The following INTS3 variants were observed in gnomAD, a reference collection of about 807,000 sequenced individuals.
INTS3 encodes SOSS complex subunit A.
INTS3 carries 34 observed loss-of-function variants against 146.3 expected under a neutral mutation model. The ratio of observed to expected loss-of-function variants is 0.23; its 90% CI spans 0.18 to 0.31. The LOEUF is 0.31. INTS3 is among the 10% of genes least tolerant of loss of function. The probability of loss-of-function intolerance (pLI) is 1.00; values close to 1 mark genes in which losing one functional copy is unlikely to be tolerated. For missense variants in INTS3, 757 were observed against 1,304.2 expected (o/e 0.58, Z 6.46); for synonymous variants, 475 against 494.9 (o/e 0.96, Z 0.53).
chr1:153,743,370 G>A (rs1028389419), intron 3 of INTS3, among the ~76,000 whole-genome samples: 7 of 152,224 alleles, frequency 4.6e-5, no homozygotes, highest in Admixed American at 1.3e-4. Context: ...ATATGGTGGA[G>A]AAGTGTGGAA....
chr1:153,772,253 T>A lies in INTS3; in HGVS notation c.2721-87T>A. 6.8e-7 allele frequency: 1 copy of A among 1,472,086 alleles called. No individual in the cohort carries two copies. Among genetic ancestry groups the A allele is most frequent in the Non-Finnish European group, 9.4e-7 (1 of 1,069,518 alleles). The allele number at this position is 1,472,086 out of a possible 1,614,324, so 91.2% of individuals were successfully genotyped here. On this transcript the variant is annotated intron_variant, in intron 26 of 29. Coordinates refer to ENST00000318967, the MANE Select transcript of INTS3 (RefSeq NM_023015.5). This position sits in a 1 kb window ranked among gnomAD's most constrained non-coding sequence, Gnocchi z 4.6. ...CTGTTCCCCATGTAGGCTGCCTCTG[T>A]CTTAAGGGGGCCCTGGCGGGTGGAG...
In INTS3 at chr1:153,729,268, G is replaced by A. The variant is rs913909569; in HGVS notation, c.150+484G>A. ...CAACCAATTGCCAGTGATGTTAACT[G>A]GGCATCTAGAATGAGTGAAGACTTA... On this transcript the variant is annotated intron_variant, in intron 1 of 29. Transcript: ENST00000318967. Among the ~76,000 whole-genome samples the A allele has an allele frequency of 2.0e-5, 3 of 152,246 alleles. No individual in the cohort carries two copies. The South Asian group carries it at 6.2e-4, about 32-fold the overall frequency.
chr1:153,773,752 C>A lies in INTS3; in HGVS notation c.*482C>A, dbSNP rs1442330621. 2 of 184,046 alleles carry A rather than the reference C, an allele frequency of 1.1e-5. No homozygotes were observed. Among genetic ancestry groups the A allele is most frequent in the Admixed American group, 1.1e-4 (2 of 18,218 alleles). The allele number at this position is 184,046 out of a possible 1,614,324, so 11.4% of individuals were successfully genotyped here. ...TGAAGGGACGTTTTATAGTCACTAT[C>A]CACATGCCAGTGTGAAATGGGCATC... On this transcript the variant is annotated 3_prime_UTR_variant, in exon 30 of 30. Coordinates refer to ENST00000318967, the MANE Select transcript of INTS3 (RefSeq NM_023015.5).
intron 14 of INTS3, among the ~76,000 whole-genome samples, chr1:153,762,261 C>T (rs1025875999): frequency 6.6e-6 from 1 of 152,164 alleles, no homozygotes; most frequent in African/African-American, 2.4e-5. Context: ...CCAGCCTGGC[C>T]AACATCATGA....
rs1672480202 is a variant in INTS3, at chr1:153,763,900, C to T, written c.1821+14C>T. 1.9e-6 allele frequency: 3 copies of T among 1,612,212 alleles called. No individual in the cohort carries two copies. Among genetic ancestry groups the T allele is most frequent in the Non-Finnish European group, 2.5e-6 (3 of 1,178,508 alleles). ...CAGGTCCTGGAGGTGAGGAGGAACC[C>T]AATCCCTTAGGGAGGAAGCAGCCTA... On this transcript the variant is annotated intron_variant, in intron 17 of 29. Coordinates refer to ENST00000318967, the MANE Select transcript of INTS3 (RefSeq NM_023015.5).
chr1:153,763,796 A>G (rs1209586057), intron 16 of INTS3, 36 bp from the exon 17 acceptor site: 4 of 1,592,302 alleles, frequency 2.5e-6, no homozygotes, highest in South Asian at 2.2e-5. Flanking sequence ...GCTATCATTT[A>G]TGTCCCTGGG....
intron 12 of INTS3, 55 bp downstream of exon 12, chr1:153,760,445 A>G: frequency 2.9e-6 from 4 of 1,372,492 alleles, no homozygotes; most frequent in Non-Finnish European, 4.2e-6. Context: ...AATTCAGTGT[A>G]TCTCCCCTAA....
At chr1:153,758,789 C>A (rs889878526) in intron 10 of INTS3, among the ~76,000 whole-genome samples, 1 of 147,736 alleles carries the variant, frequency 6.8e-6, no homozygotes, top group African/African-American at 2.5e-5. Flanking sequence ...CAGAGTCAGA[C>A]CCTGTCTCAA....
chr1:153,768,817 TAAGG>T lies in INTS3; in HGVS notation c.2245-70_2245-67del, dbSNP rs368824587. ...GACCCAGTCAAACCTTGAGATGTAA[TAAGG>T]AAGGAGAGTGGGCTATGGGATAAAA... On this transcript the variant is annotated intron_variant, in intron 21 of 29. Coordinates refer to ENST00000318967, the MANE Select transcript of INTS3 (RefSeq NM_023015.5). The T allele has an allele frequency of 1.2e-3, 1,349 of 1,146,170 alleles. 5 individuals carry two copies. In the African/African-American group the frequency reaches 0.016, roughly 14 times the overall value. 71.0% of individuals were successfully genotyped at this position (1,146,170 alleles called of 1,614,324 possible).
chr1:153,760,473 C>A, intron 12 of INTS3, 83 bp downstream of exon 12: 3 of 1,180,570 alleles, frequency 2.5e-6, no homozygotes, highest in Non-Finnish European at 3.8e-6. Context: ...GTGAACGGGT[C>A]TTCTCGGTAT....
chr1:153,772,938 T>G lies in INTS3; in HGVS notation c.2908T>G (p.Phe970Val). The G allele has an allele frequency of 2.5e-6, 4 of 1,614,134 alleles. No homozygotes were observed. The highest frequency in any genetic ancestry group is 3.4e-6 in the Non-Finnish European group (4 of 1,180,016). ...CCTTTTCCTTAGATTCAGTGATCTC[T>G]TCTCCCTGGCGGAGGAATATGAGGA... ...EAHKMKFSDL[F>V]SLAEEYEDSS... The change falls in exon 29 of 30, where the codon TTC (phenylalanine) becomes GTC (valine). Residue 970 changes from phenylalanine (F) to valine (V), a missense_variant. Physicochemically the swap from Phe to Val is conservative, Grantham distance 50. Around this residue, in one of 8 missense-constraint regions of INTS3, gnomAD observed 125 missense variants for 165.6 expected, o/e 0.75. Transcript: ENST00000318967. This position sits in a 1 kb window ranked among gnomAD's most constrained non-coding sequence, Gnocchi z 4.6.
At chr1:153,761,747 C>T (rs561424405) in intron 14 of INTS3, 71 bp downstream of exon 14, 7 of 986,580 alleles carry the variant, frequency 7.1e-6, no homozygotes, top group African/African-American at 3.2e-5. Flanking sequence ...AGGCCAGAGC[C>T]CCTTTCAGGA....
At chr1:153,760,427 A>G in intron 12 of INTS3, 37 bp downstream of exon 12, 1 of 1,535,042 alleles carries the variant, frequency 6.5e-7, no homozygotes, top group Non-Finnish European at 9.0e-7. Flanking sequence ...CCATGCCTGG[A>G]TGAGCAGAAT....
intron 24 of INTS3, 118 bp downstream of exon 24, chr1:153,770,429 AAAG>A: frequency 1.3e-6 from 1 of 782,312 alleles, no homozygotes; most frequent in South Asian, 1.4e-5. Context: ...CCTTCCCACC[AAAG>A]TGCACAAGGG....
At position 153,747,415 on chromosome 1, in the gene INTS3, AC is replaced by A. The variant is rs1450866872; in HGVS notation, c.517+53del. On this transcript the variant is annotated intron_variant, in intron 5 of 29. Coordinates refer to ENST00000318967, the MANE Select transcript of INTS3 (RefSeq NM_023015.5). ...AAGAAAGGAGGAGAGCCCAGAGACTACATAGAGACAATGGAGAATGATTAAG... is the reference window on the plus strand; with the variant it reads ...AAGAAAGGAGGAGAGCCCAGAGACTAATAGAGACAATGGAGAATGATTAAG... 5 of 1,334,844 alleles carry A rather than the reference AC, an allele frequency of 3.7e-6. No homozygotes were observed. The East Asian group carries it at 1.1e-4, about 31-fold the overall frequency. 82.7% of individuals were successfully genotyped at this position (1,334,844 alleles called of 1,614,324 possible). A position where few individuals can be genotyped will look rare whatever the true frequency, so the allele number is the denominator to read the frequency against.
intron 2 of INTS3, 87 bp from the exon 3 acceptor site, chr1:153,741,198 G>A (rs891039094): frequency 1.1e-5 from 10 of 892,854 alleles, no homozygotes; most frequent in Non-Finnish European, 1.9e-5. Flanking sequence ...TCTTCCTTAG[G>A]AGTCCCATGT....
chr1:153,755,067 G>A (rs1198295761), intron 9 of INTS3, among the ~76,000 whole-genome samples: 1 of 152,138 alleles, frequency 6.6e-6, no homozygotes, highest in Non-Finnish European at 1.5e-5. Context: ...TCTATAAAGG[G>A]GAGAGTGAAA....
At position 153,760,919 on chromosome 1, in the gene INTS3, G is replaced by C; in HGVS notation, c.1409+1G>C. 6.2e-7 allele frequency: 1 copy of C among 1,613,314 alleles called. No individual in the cohort carries two copies. The highest frequency in any genetic ancestry group is 8.5e-7 in the Non-Finnish European group (1 of 1,179,256). On this transcript the variant is annotated splice_donor_variant, in intron 13 of 29. Transcript: ENST00000318967. LOFTEE classifies it high-confidence loss of function. ...ACATTGTGGAGAAACGGGTCTTGGC[G>C]TAAGGAATTTGGTGGGGGAAGGAGG...
intron 1 of INTS3, among the ~76,000 whole-genome samples, chr1:153,735,498 T>G (rs1671251846): frequency 6.6e-6 from 1 of 152,336 alleles, no homozygotes; most frequent in Non-Finnish European, 1.5e-5. Flanking sequence ...TGTTTGATTT[T>G]GCTTGCCTTT....
Sources: allele counts gnomAD v4.1 joint callset (sites outside exome capture counted in the v4.1 genomes callset), GRCh38; gene constraint gnomAD v4.1.1; regional missense constraint gnomAD v4.1.1; non-coding constraint Gnocchi (gnomAD v3.1); transcripts MANE v1.5; gene names NCBI Gene and HGNC (gene_info 2026-07-23, HGNC 2026-07-21).